Variants in DSCAM observed in about 807,000 individuals in gnomAD.
DSCAM encodes DS cell adhesion molecule, also known as cell adhesion molecule DSCAM.
Under a neutral mutation model 217.7 loss-of-function variants are expected in DSCAM, and 47 were observed. The ratio of observed to expected loss-of-function variants is 0.22; its 90% CI spans 0.17 to 0.28. The LOEUF (loss-of-function observed/expected upper bound fraction) is 0.28. Ranked by LOEUF, DSCAM falls within the 10% of genes least tolerant of loss-of-function variation. The pLI, the probability that DSCAM is intolerant of heterozygous loss-of-function variation, is 1.00. For missense variants in DSCAM, 2,080 were observed against 2,618.3 expected (o/e 0.79, Z 4.49); for synonymous variants, 1,056 against 1,015.3 (o/e 1.04, Z -0.76).
chr21:40,173,598 T>A (rs1020938722), intron 15 of DSCAM, among the ~76,000 whole-genome samples: 1 of 152,160 alleles, frequency 6.6e-6, no homozygotes, highest in Non-Finnish European at 1.5e-5. Flanking sequence ...GAAGAACACA[T>A]TGATGCCGCC....
In DSCAM at chr21:40,042,462, T is replaced by A. The variant is rs1051470038; in HGVS notation, c.5595A>T (p.Glu1865Asp). The A allele has an allele frequency of 1.2e-6, 2 of 1,614,096 alleles. No individual in the cohort carries two copies. Among genetic ancestry groups the A allele is most frequent in the African/African-American group, 2.7e-5 (2 of 74,938 alleles). The change falls in exon 32 of 33, where the codon GAA (glutamate) becomes GAT (aspartate). Residue 1865 changes from glutamate (E) to aspartate (D), a missense_variant. Glu to Asp is a conservative substitution (Grantham distance 45). Coordinates refer to ENST00000400454, the MANE Select transcript of DSCAM (RefSeq NM_001389.5). ...ATGCAGTGAACCTGCAGATTCCCGATTCGGAAGGGGTGCTGGAGGTCAGAC... is the reference window on the plus strand; with the variant it reads ...ATGCAGTGAACCTGCAGATTCCCGAATCGGAAGGGGTGCTGGAGGTCAGAC... Reference protein sequence around the residue: ...TDSLTSSTPSESGICRFTASP... With the variant: ...TDSLTSSTPSDSGICRFTASP...
intron 11 of DSCAM, among the ~76,000 whole-genome samples, chr21:40,214,397 G>C (rs557065327): frequency 7.0e-4 from 107 of 152,168 alleles, no homozygotes; most frequent in Non-Finnish European, 1.4e-3. Flanking sequence ...ATTCTGTGCT[G>C]ATAATATTTA....
chr21:40,357,860 A>C (rs903659540), intron 4 of DSCAM, among the ~76,000 whole-genome samples: 9 of 69,352 alleles, frequency 1.3e-4, no homozygotes, highest in Non-Finnish European at 1.6e-4. Flanking sequence ...TTAAAGTATA[A>C]TAAAAAAAAA....
intron 6 of DSCAM, among the ~76,000 whole-genome samples, chr21:40,345,456 G>A (rs1264027189): frequency 6.6e-6 from 1 of 152,054 alleles, no homozygotes; most frequent in Non-Finnish European, 1.5e-5. Flanking sequence ...ATCATCTTGG[G>A]AGTTAGGCTG....
rs148194593 is a variant in DSCAM at position 40,126,979 on chromosome 21, G to A, written c.3563-2651C>T. Among the ~76,000 whole-genome samples the A allele has an allele frequency of 1.1e-4, 17 of 152,334 alleles. No homozygotes were observed. The East Asian group carries it at 3.1e-3, about 28-fold the overall frequency. The stretch of plus-strand genomic sequence containing the variant: ...TTTGGACAACATCATAAAGCTTAAA[G>A]GTGTGGGCCCTGGAGCCTCACTGCT... On this transcript the variant is annotated intron_variant, in intron 19 of 32. Coordinates refer to ENST00000400454, the MANE Select transcript of DSCAM (RefSeq NM_001389.5).
intron 3 of DSCAM, among the ~76,000 whole-genome samples, chr21:40,581,939 C>A (rs1287040687): frequency 6.6e-6 from 1 of 151,992 alleles, no homozygotes; most frequent in Non-Finnish European, 1.5e-5. Flanking sequence ...CTAAGGATAC[C>A]ATAAAATGTA....
chr21:40,269,041 C>T (rs1306294639), intron 11 of DSCAM, among the ~76,000 whole-genome samples: 1 of 152,108 alleles, frequency 6.6e-6, no homozygotes, highest in African/African-American at 2.4e-5. Context: ...TCCCCCAGAG[C>T]CATTTATTTC....
intron 11 of DSCAM, among the ~76,000 whole-genome samples, chr21:40,257,929 A>G (rs1345708366): frequency 6.6e-6 from 1 of 152,142 alleles, no homozygotes; most frequent in African/African-American, 2.4e-5. Context: ...AGAGCAATGT[A>G]CCTTCCCCTT....
intron 1 of DSCAM, among the ~76,000 whole-genome samples, chr21:40,818,728 GAACAATT>G (rs1313859472): frequency 6.6e-6 from 1 of 151,644 alleles, no homozygotes; most frequent in Admixed American, 6.6e-5. Flanking sequence ...GTTAAGAACA[GAACAATT>G]AAAAATATTC....
intron 3 of DSCAM, among the ~76,000 whole-genome samples, chr21:40,610,705 C>T (rs183864693): frequency 3.9e-5 from 6 of 152,252 alleles, no homozygotes; most frequent in East Asian, 1.9e-4. Flanking sequence ...TCAGGGTGGC[C>T]GTCACCTAAT....
At chr21:40,259,458 G>C (rs552889862) in intron 11 of DSCAM, among the ~76,000 whole-genome samples, 8 of 152,130 alleles carry the variant, frequency 5.3e-5, no homozygotes, top group African/African-American at 1.9e-4. Context: ...CAAGAAGCTA[G>C]ACAGGGACTT....
At chr21:40,218,140 T>C (rs1569005952) in intron 11 of DSCAM, among the ~76,000 whole-genome samples, 1 of 152,114 alleles carries the variant, frequency 6.6e-6, no homozygotes, top group Non-Finnish European at 1.5e-5. Flanking sequence ...GGGTTTTACG[T>C]CTTTAATCTT....
intron 1 of DSCAM, among the ~76,000 whole-genome samples, chr21:40,749,634 A>G (rs2091208054): frequency 6.6e-6 from 1 of 152,224 alleles, no homozygotes; most frequent in South Asian, 2.1e-4. Context: ...GAGAATGTAA[A>G]TAAGTATAGC....
intron 2 of DSCAM, among the ~76,000 whole-genome samples, chr21:40,700,963 CTGACTTCAAG>C (rs1461023450): frequency 6.6e-6 from 1 of 152,128 alleles, no homozygotes; most frequent in Non-Finnish European, 1.5e-5. Context: ...TCTTGAACTC[CTGACTTCAAG>C]TGATTCTCCT....
chr21:40,025,343 G>T (rs1179335316), intron 32 of DSCAM, among the ~76,000 whole-genome samples: 1 of 144,016 alleles, frequency 6.9e-6, no homozygotes, highest in Admixed American at 7.0e-5. Context: ...TTTTTTGGTT[G>T]TGTCTCTGCC....
chr21:40,033,369 C>CA (rs569934434), intron 32 of DSCAM, among the ~76,000 whole-genome samples: 208 of 151,952 alleles, frequency 1.4e-3, no homozygotes, highest in African/African-American at 4.7e-3. Flanking sequence ...TCGGGAAGCA[C>CA]AGGGGTCAGG....
rs374624490 is a variant in DSCAM, at chr21:40,672,507, T to G, written c.508+20303A>C. Among the ~76,000 whole-genome samples, 47 of 152,016 alleles carry G rather than the reference T, an allele frequency of 3.1e-4. No homozygotes were observed. In the South Asian group the frequency reaches 9.4e-3, roughly 30 times the overall value. On this transcript the variant is annotated intron_variant, in intron 3 of 32. Transcript: ENST00000400454. ...TGACCTAGCATGAGTAAGATAAAGC[T>G]GAAGGTGAAACAGAAAAAAGAAAAC...
At chr21:40,671,698 A>C (rs1292188822) in intron 3 of DSCAM, among the ~76,000 whole-genome samples, 5 of 151,608 alleles carry the variant, frequency 3.3e-5, no homozygotes, top group African/African-American at 4.9e-5. Context: ...TAAACAAAAA[A>C]AAAAAAAAAA....
chr21:40,791,909 G>A (rs1405990214), intron 1 of DSCAM, among the ~76,000 whole-genome samples: 1 of 152,010 alleles, frequency 6.6e-6, no homozygotes, highest in Non-Finnish European at 1.5e-5. Context: ...ACGATTTCAG[G>A]ACTAGAGATG....
Sources: gnomAD v4.1 joint callset for allele counts (sites outside exome capture counted in the v4.1 genomes callset) on GRCh38, gnomAD v4.1.1 for gene constraint, MANE v1.5 for transcripts, NCBI Gene and HGNC (gene_info 2026-07-23, HGNC 2026-07-21) for gene names.